FRAS1: variants seen among roughly 807,000 people sequenced by gnomAD.
The protein encoded by FRAS1 is extracellular matrix organizing protein FRAS1.
A neutral mutation model predicts 435.2 loss-of-function variants in FRAS1; 290 were observed. The ratio of observed to expected loss-of-function variants is 0.67; its 90% CI spans 0.61 to 0.73. FRAS1 has a LOEUF of 0.73. Among genes scored for constraint, FRAS1 ranks in the 30% least tolerant of loss-of-function variants. The pLI is 0.00. For missense variants in FRAS1, 4,860 were observed against 5,001.5 expected (o/e 0.97, Z 0.85); for synonymous variants, 1,800 against 1,851.0 (o/e 0.97, Z 0.71).
Position 78,439,740 on chromosome 4 carries a change from C to T in FRAS1, c.5529+676C>T, listed in dbSNP as rs377341103. Among the ~76,000 whole-genome samples, 649 of 152,246 alleles carry T rather than the reference C, an allele frequency of 4.3e-3. 5 individuals are homozygous for T. Among genetic ancestry groups the T allele is most frequent in the African/African-American group, 0.015 (630 of 41,548 alleles). ...GCAACTCTTGGGCTCAAGCAATCCT[C>T]CCCGCTCAGCCTCCCTAGTAAGTGA... On this transcript the variant is annotated intron_variant, in intron 40 of 73. Coordinates refer to ENST00000512123, the MANE Select transcript of FRAS1 (RefSeq NM_025074.7).
intron 2 of FRAS1, chr4:78,070,938 A>G (rs918631673): frequency 3.9e-5 from 6 of 152,220 alleles, no homozygotes; most frequent in Admixed American, 1.3e-4. Context: ...TGTGACTTAC[A>G]GTGCTCAATA....
At chr4:78,152,607 CTTTTT>C (rs71214398) in intron 2 of FRAS1, among the ~76,000 whole-genome samples, 13 of 72,420 alleles carry the variant, frequency 1.8e-4, no homozygotes, top group African/African-American at 3.8e-4. Context: ...ATGTAGGCTG[CTTTTT>C]TTTTTTTTTT....
At chr4:78,211,864 C>G (rs1723519646) in intron 2 of FRAS1, among the ~76,000 whole-genome samples, 1 of 152,136 alleles carries the variant, frequency 6.6e-6, no homozygotes, top group Admixed American at 6.6e-5. Context: ...CACTCTCCCT[C>G]CCTCTGCCTC....
At chr4:78,439,372 A>T (rs1025312079) in intron 40 of FRAS1, among the ~76,000 whole-genome samples, 24 of 152,368 alleles carry the variant, frequency 1.6e-4, no homozygotes, top group African/African-American at 5.5e-4. Context: ...AGGAGTTTAC[A>T]ATCTAATATT....
chr4:78,400,650 A>G lies in FRAS1; in HGVS notation c.3976-84A>G. Reference sequence around the variant, plus strand: ...TCTTATTAGACGATCTTTAACAACAACAGAACTGGATAACTTATGTGTTTA... The same window carrying G: ...TCTTATTAGACGATCTTTAACAACAGCAGAACTGGATAACTTATGTGTTTA... On this transcript the variant is annotated intron_variant, in intron 29 of 73. Coordinates refer to ENST00000512123, the MANE Select transcript of FRAS1 (RefSeq NM_025074.7). 2.9e-6 allele frequency: 4 copies of G among 1,361,268 alleles called. No homozygotes were observed. In the South Asian group the frequency reaches 5.5e-5, roughly 19 times the overall value. 84.3% of individuals were successfully genotyped at this position (1,361,268 alleles called of 1,614,324 possible).
intron 30 of FRAS1, among the ~76,000 whole-genome samples, chr4:78,401,284 T>A (rs1160220146): frequency 6.6e-6 from 1 of 152,116 alleles, no homozygotes; most frequent in Non-Finnish European, 1.5e-5. Context: ...TTAAAAAAAA[T>A]AACATGAAAA....
chr4:78,189,782 A>G (rs1422783810), intron 2 of FRAS1, among the ~76,000 whole-genome samples: 1 of 152,222 alleles, frequency 6.6e-6, no homozygotes, highest in African/African-American at 2.4e-5. Flanking sequence ...CACAAGTTCA[A>G]AAAAGAACTC....
rs896409820 is a variant in FRAS1, at chr4:78,166,325, A to G, written c.109-71185A>G. Among the ~76,000 whole-genome samples the G allele has an allele frequency of 4.6e-5, 7 of 152,152 alleles. No individual in the cohort carries two copies. In the East Asian group the frequency reaches 9.6e-4, roughly 21 times the overall value. On this transcript the variant is annotated intron_variant, in intron 2 of 73. Transcript: ENST00000512123. ...TTTTTCTTGGGGGTTGCAGACTTGT[A>G]AGAACTATAGGACATAGAATAGTAA...
At chr4:78,148,527 A>G (rs1334973827) in intron 2 of FRAS1, among the ~76,000 whole-genome samples, 2 of 152,350 alleles carry the variant, frequency 1.3e-5, no homozygotes, top group Non-Finnish European at 1.5e-5. Flanking sequence ...AATTAACTTC[A>G]TCAGTGAATT....
intron 30 of FRAS1, among the ~76,000 whole-genome samples, chr4:78,407,370 T>C (rs1161929682): frequency 6.6e-6 from 1 of 152,244 alleles, no homozygotes; most frequent in East Asian, 1.9e-4. Flanking sequence ...TTTGCTACTA[T>C]CTGGCTCTCC....
At chr4:78,453,895 C>T (rs1458078967) in intron 47 of FRAS1, among the ~76,000 whole-genome samples, 1 of 152,132 alleles carries the variant, frequency 6.6e-6, no homozygotes, top group Non-Finnish European at 1.5e-5. Context: ...GGATTCTTTT[C>T]AGATTTTAGG....
At chr4:78,089,875 C>G (rs978201977) in intron 2 of FRAS1, among the ~76,000 whole-genome samples, 4 of 69,652 alleles carry the variant, frequency 5.7e-5, no homozygotes, top group African/African-American at 1.4e-4. Flanking sequence ...AACCTAGTAC[C>G]CAATAGTTAC....
intron 2 of FRAS1, among the ~76,000 whole-genome samples, chr4:78,224,790 C>T (rs1025281856): frequency 1.3e-5 from 2 of 152,084 alleles, no homozygotes; most frequent in African/African-American, 4.8e-5. Flanking sequence ...CCTCAGCGTC[C>T]CAAAGTGCTG....
intron 2 of FRAS1, among the ~76,000 whole-genome samples, chr4:78,213,624 G>A (rs920367153): frequency 6.6e-6 from 1 of 152,120 alleles, no homozygotes; most frequent in Non-Finnish European, 1.5e-5. Context: ...AGATATACTT[G>A]ACTGCTAGGA....
chr4:78,261,444 A>G (rs902354916), intron 6 of FRAS1, among the ~76,000 whole-genome samples: 1 of 152,088 alleles, frequency 6.6e-6, no homozygotes, highest in Non-Finnish European at 1.5e-5. Context: ...ATCTTGGCAT[A>G]TTGAATATTT....
intron 2 of FRAS1, among the ~76,000 whole-genome samples, chr4:78,129,558 C>G (rs1189599040): frequency 7.4e-6 from 1 of 136,046 alleles, no homozygotes; most frequent in Admixed American, 7.0e-5. Flanking sequence ...GTGGCCATGG[C>G]CCCCTGATTT....
At chr4:78,164,892 TCTGTTTAG>T (rs1721276905) in intron 2 of FRAS1, among the ~76,000 whole-genome samples, 1 of 152,186 alleles carries the variant, frequency 6.6e-6, no homozygotes, top group South Asian at 2.1e-4. Context: ...AAGATCCAAC[TCTGTTTAG>T]CATCCATACT....
intron 2 of FRAS1, among the ~76,000 whole-genome samples, chr4:78,105,755 C>G (rs565048045): frequency 6.6e-6 from 1 of 151,752 alleles, no homozygotes. Context: ...CCAAGATGGC[C>G]GAATAGGAAC....
intron 47 of FRAS1, among the ~76,000 whole-genome samples, chr4:78,455,426 G>T (rs1560738002): frequency 6.7e-6 from 1 of 149,934 alleles, no homozygotes; most frequent in East Asian, 1.9e-4. Flanking sequence ...GAGGAGGGAG[G>T]GGGTTCTGTT....
Sources: allele counts gnomAD v4.1 joint callset (sites outside exome capture counted in the v4.1 genomes callset), GRCh38; gene constraint gnomAD v4.1.1; transcripts MANE v1.5; gene names NCBI Gene and HGNC (gene_info 2026-07-23, HGNC 2026-07-21).